The following MINDY4 variants were observed in gnomAD, a reference collection of about 807,000 sequenced individuals.
The protein encoded by MINDY4 is probable ubiquitin carboxyl-terminal hydrolase MINDY-4.
Under a neutral mutation model 87.0 loss-of-function variants are expected in MINDY4, and 68 were observed. That is an observed-to-expected ratio of 0.78 (90% CI 0.64 to 0.96). The LOEUF (loss-of-function observed/expected upper bound fraction) is 0.96, where lower values mean the gene tolerates loss of function less well. Among genes scored for constraint, MINDY4 ranks in the 40% least tolerant of loss-of-function variants. MINDY4 has a pLI of 0.00. For synonymous variants in MINDY4, 379 were observed against 363.2 expected (o/e 1.04, Z -0.50); for missense variants, 919 against 928.2 (o/e 0.99, Z 0.13).
intron 13 of MINDY4, among the ~76,000 whole-genome samples, chr7:30,868,188 TA>T (rs1275919861): frequency 2.6e-5 from 4 of 152,268 alleles, no homozygotes; most frequent in Non-Finnish European, 5.9e-5. Flanking sequence ...TGGTGGGGGC[TA>T]GGGGTAGGGC....
chr7:30,775,675 G>T (rs79747395), intron 1 of MINDY4, among the ~76,000 whole-genome samples: 10,049 of 152,220 alleles, frequency 0.066, 1,061 homozygotes, highest in African/African-American at 0.23. Context: ...CTGGTGACCA[G>T]CCCCCATCCT....
At chr7:30,859,484 G>A (rs913446176) in intron 13 of MINDY4, among the ~76,000 whole-genome samples, 160 bp downstream of exon 13, 1 of 152,226 alleles carries the variant, frequency 6.6e-6, no homozygotes, top group Non-Finnish European at 1.5e-5. Context: ...GTCTGCTGGT[G>A]GAGGAGAGAA....
At chr7:30,848,945 C>T (rs1232026655) in intron 9 of MINDY4, among the ~76,000 whole-genome samples, 1 of 152,204 alleles carries the variant, frequency 6.6e-6, no homozygotes, top group East Asian at 1.9e-4. Context: ...GAATAGTCAC[C>T]ACGTGCCAGC....
rs1420631645 is a variant in MINDY4, at chr7:30,855,555, G to A, written c.1677+2096G>A. On this transcript the variant is annotated intron_variant, in intron 12 of 17. Coordinates refer to ENST00000265299, the MANE Select transcript of MINDY4 (RefSeq NM_032222.3). ...AGGGGCTAAGGTGGAGCCTGAGGGT[G>A]ATTGCTCAAATGACCACAGATCCTG... 2.6e-5 allele frequency among the ~76,000 whole-genome samples: 4 copies of A among 152,356 alleles called. No individual in the cohort carries two copies. In the East Asian group the frequency reaches 7.7e-4, roughly 29 times the overall value.
intron 1 of MINDY4, among the ~76,000 whole-genome samples, chr7:30,772,900 C>T (rs777826824): frequency 6.6e-6 from 1 of 152,122 alleles, no homozygotes; most frequent in Middle Eastern, 3.2e-3. Context: ...AATCCAGTGT[C>T]CTCACTGACA....
Position 30,771,445 on chromosome 7 carries a change from G to A in MINDY4, c.-49G>A. The A allele has an allele frequency of 3.8e-6, 6 of 1,574,112 alleles. No individual in the cohort carries two copies. Among genetic ancestry groups the A allele is most frequent in the South Asian group, 2.3e-5 (2 of 85,738 alleles). On this transcript the variant is annotated 5_prime_UTR_variant, in exon 1 of 18. Transcript: ENST00000265299. ...CTGCGCCGGACAGACCCAGTTGCCT[G>A]GTGCTGCGGCCCGGCGTGGGCCTCG...
At chr7:30,773,972 G>A (rs1786724411) in intron 1 of MINDY4, among the ~76,000 whole-genome samples, 1 of 152,120 alleles carries the variant, frequency 6.6e-6, no homozygotes. Flanking sequence ...TCTTCTGACA[G>A]TAAAATTCCA....
At chr7:30,794,211 A>T (rs1427897309) in intron 5 of MINDY4, among the ~76,000 whole-genome samples, 1 of 152,122 alleles carries the variant, frequency 6.6e-6, no homozygotes, top group Non-Finnish European at 1.5e-5. Flanking sequence ...ACTCCCCTCC[A>T]TCAGTGCCCC....
chr7:30,891,842 G>A (rs1471940648), intron 17 of MINDY4, 115 bp from the exon 18 acceptor site: 42 of 1,032,036 alleles, frequency 4.1e-5, no homozygotes, highest in Non-Finnish European at 5.8e-5. Flanking sequence ...GATGGAAACC[G>A]AACTATTCAA....
At chr7:30,798,527 C>T (rs191068655) in intron 5 of MINDY4, among the ~76,000 whole-genome samples, 10 of 152,064 alleles carry the variant, frequency 6.6e-5, no homozygotes, top group Admixed American at 1.3e-4. Context: ...GACAGAGTCT[C>T]GCTGTGTCGC....
At chr7:30,790,064 A>G (rs954811293) in intron 4 of MINDY4, among the ~76,000 whole-genome samples, 2 of 152,186 alleles carry the variant, frequency 1.3e-5, no homozygotes, top group Admixed American at 6.5e-5. Flanking sequence ...GCAAATACGC[A>G]TAGGAGTAGT....
At chr7:30,776,709 C>G (rs1054589609) in intron 1 of MINDY4, among the ~76,000 whole-genome samples, 1 of 152,184 alleles carries the variant, frequency 6.6e-6, no homozygotes, top group Admixed American at 6.5e-5. Flanking sequence ...AAAACAGTGG[C>G]CTTCATCCTT....
chr7:30,844,508 A>C (rs1789145632), intron 9 of MINDY4, among the ~76,000 whole-genome samples: 1 of 152,036 alleles, frequency 6.6e-6, no homozygotes, highest in Non-Finnish European at 1.5e-5. Context: ...GGGAGGAAGA[A>C]CCCTCCTGAG....
At chr7:30,822,669 A>T (rs1299108886) in intron 5 of MINDY4, among the ~76,000 whole-genome samples, 1 of 99,970 alleles carries the variant, frequency 1.0e-5, no homozygotes, top group African/African-American at 6.3e-5. Flanking sequence ...ACAAGGTTTC[A>T]CTCTTGCTAG....
At chr7:30,859,619 C>T (rs1584326204) in intron 13 of MINDY4, among the ~76,000 whole-genome samples, 1 of 152,326 alleles carries the variant, frequency 6.6e-6, no homozygotes, top group African/African-American at 2.4e-5. Flanking sequence ...CTTGAGCACT[C>T]AGGGGGATGC....
At chr7:30,847,383 C>T (rs1789253886) in intron 9 of MINDY4, among the ~76,000 whole-genome samples, 1 of 152,040 alleles carries the variant, frequency 6.6e-6, no homozygotes, top group Non-Finnish European at 1.5e-5. Flanking sequence ...GGGGACAGGC[C>T]CTGCCCAAGA....
intron 13 of MINDY4, among the ~76,000 whole-genome samples, chr7:30,870,039 G>A (rs984470726): frequency 1.1e-4 from 16 of 152,144 alleles, no homozygotes; most frequent in East Asian, 9.6e-4. Context: ...CCACTCCTTG[G>A]CATCTCTCTC....
rs1786899607 is a variant in MINDY4 at position 30,778,565 on chromosome 7, A to G, written c.183+14A>G. ...AAGGAGAACAAGGTATGTGCTTTCT[A>G]AGGTGTGGTGTGGAGTCTTGGAACT... On this transcript the variant is annotated intron_variant, in intron 2 of 17. Transcript: ENST00000265299. The G allele has an allele frequency of 1.2e-6, 2 of 1,614,076 alleles. No individual in the cohort carries two copies. Among genetic ancestry groups the G allele is most frequent in the African/African-American group, 1.3e-5 (1 of 75,050 alleles).
chr7:30,887,076 A>T (rs542706059), intron 17 of MINDY4, among the ~76,000 whole-genome samples: 1 of 152,258 alleles, frequency 6.6e-6, no homozygotes, highest in Admixed American at 6.5e-5. Context: ...TTGAAAATGT[A>T]ATTCCAGCTG....
Sources: allele counts gnomAD v4.1 joint callset (sites outside exome capture counted in the v4.1 genomes callset), GRCh38; gene constraint gnomAD v4.1.1; transcripts MANE v1.5; gene names NCBI Gene and HGNC (gene_info 2026-07-23, HGNC 2026-07-21).